The following RAB8B variants were observed in gnomAD, a reference collection of about 807,000 sequenced individuals.
RAB8B encodes ras-related protein Rab-8B.
RAB8B carries 11 observed loss-of-function variants against 32.0 expected under a neutral mutation model. That is an observed-to-expected ratio of 0.34 (90% CI 0.22 to 0.57). The LOEUF (loss-of-function observed/expected upper bound fraction) is 0.57. RAB8B is among the 20% of genes least tolerant of loss of function. The pLI, the probability that RAB8B is intolerant of heterozygous loss-of-function variation, is 0.86. For synonymous variants in RAB8B, 103 were observed against 89.6 expected, an observed-to-expected ratio of 1.15 and a Z score of -0.85; for missense variants, 190 against 258.5, an observed-to-expected ratio of 0.73 and a Z score of 1.82.
chr15:63,233,994 C>T (rs1295201485), intron 1 of RAB8B, among the ~76,000 whole-genome samples: 2 of 152,126 alleles, frequency 1.3e-5, no homozygotes, highest in African/African-American at 2.4e-5. Flanking sequence ...TCAAGGTTCT[C>T]ATGACTGCAG....
intron 1 of RAB8B, among the ~76,000 whole-genome samples, chr15:63,211,893 G>A (rs569740681): frequency 1.7e-4 from 26 of 151,984 alleles, no homozygotes; most frequent in African/African-American, 5.1e-4. Flanking sequence ...GTGCAGTGGC[G>A]CAATCATGGC....
chr15:63,254,708 C>G (rs927922911), intron 3 of RAB8B, among the ~76,000 whole-genome samples: 5 of 152,004 alleles, frequency 3.3e-5, no homozygotes, highest in Non-Finnish European at 7.4e-5. Flanking sequence ...GTCAGGAGAT[C>G]GAAACCATCC....
chr15:63,222,787 C>T (rs1040555653), intron 1 of RAB8B, among the ~76,000 whole-genome samples: 7 of 152,082 alleles, frequency 4.6e-5, no homozygotes, highest in East Asian at 1.9e-4. Context: ...GTGATCCTCC[C>T]GCTTTGGCCT....
rs1174037949 is a variant in RAB8B, at chr15:63,263,889, G to T, written c.*270G>T. Reference sequence around the variant, plus strand: ...TTGTTTTATTACCTGTTGCAGAAGCGGTTATCTTTCTTTTTTACTTTGCAC... The same window carrying T: ...TTGTTTTATTACCTGTTGCAGAAGCTGTTATCTTTCTTTTTTACTTTGCAC... On this transcript the variant is annotated 3_prime_UTR_variant, in exon 8 of 8. Coordinates refer to ENST00000321437, the MANE Select transcript of RAB8B (RefSeq NM_016530.3). The T allele has an allele frequency of 6.0e-6, 2 of 335,708 alleles. No homozygotes were observed. The highest frequency in any genetic ancestry group is 1.1e-5 in the Non-Finnish European group (2 of 182,808). The allele number at this position is 335,708 out of a possible 1,614,324, so 20.8% of individuals were successfully genotyped here.
intron 7 of RAB8B, among the ~76,000 whole-genome samples, chr15:63,263,105 A>C (rs926801441): frequency 2.6e-5 from 4 of 152,230 alleles, no homozygotes; most frequent in African/African-American, 9.6e-5. Context: ...ATTTGAAATC[A>C]TTAAGACAAC....
intron 4 of RAB8B, 31 bp from the exon 5 acceptor site, chr15:63,256,474 G>T: frequency 1.3e-6 from 2 of 1,529,150 alleles, no homozygotes; most frequent in East Asian, 2.4e-5. Context: ...TTCTCAGGCT[G>T]TTTTTATAGC....
At chr15:63,221,504 A>C (rs1387779704) in intron 1 of RAB8B, among the ~76,000 whole-genome samples, 1 of 152,180 alleles carries the variant, frequency 6.6e-6, no homozygotes, top group Non-Finnish European at 1.5e-5. Flanking sequence ...TCGCTGACTC[A>C]GTGACAAACT....
chr15:63,202,559 G>A (rs16946654), intron 1 of RAB8B, among the ~76,000 whole-genome samples: 3,057 of 152,242 alleles, frequency 0.02, 118 homozygotes, highest in East Asian at 0.18. Flanking sequence ...TTCGTGAAAA[G>A]GAAACTAATT....
intron 1 of RAB8B, among the ~76,000 whole-genome samples, chr15:63,197,819 G>C (rs1167057079): frequency 6.6e-6 from 1 of 152,126 alleles, no homozygotes; most frequent in Admixed American, 6.5e-5. Context: ...TCCTGTCTGA[G>C]CTCAGCAAGG....
At chr15:63,191,371 G>A (rs2037554854) in intron 1 of RAB8B, among the ~76,000 whole-genome samples, 1 of 152,100 alleles carries the variant, frequency 6.6e-6, no homozygotes, top group African/African-American at 2.4e-5. Context: ...GCTCATTCTG[G>A]ATTCTTTCAT....
At chr15:63,251,450 G>T (rs2038116050) in intron 3 of RAB8B, 1 of 379,606 alleles carries the variant, frequency 2.6e-6, no homozygotes. Context: ...TTTCACTGGA[G>T]GGTGGGCAGT....
Position 63,194,404 on chromosome 15 carries a change from G to A in RAB8B, c.124+4656G>A, listed in dbSNP as rs964667375. Among the ~76,000 whole-genome samples the A allele has an allele frequency of 5.9e-5, 9 of 152,272 alleles. No homozygotes were observed. In the East Asian group the frequency reaches 1.7e-3, roughly 29 times the overall value. ...AGTTTGCACATACGCCTTTATGTGA[G>A]GAAAGTTAAGACATTTCTGTTTTGA... On this transcript the variant is annotated intron_variant, in intron 1 of 7. Transcript: ENST00000321437.
rs1442921548 is a variant in RAB8B at position 63,266,856 on chromosome 15, G to A, written c.*3237G>A. On this transcript the variant is annotated 3_prime_UTR_variant, in exon 8 of 8. Transcript: ENST00000321437. ...GCTTATAAAGTTTTTCCTGTGATCA[G>A]TAAGTGACACATTTAAGCAGACATT... is the stretch of plus-strand genomic sequence containing the variant. The A allele has an allele frequency of 6.6e-6, 1 of 152,574 alleles. No homozygotes were observed. The highest frequency in any genetic ancestry group is 2.4e-5 in the African/African-American group (1 of 41,432). The allele number at this position is 152,574 out of a possible 1,614,324, so 9.5% of individuals were successfully genotyped here.
rs142173101 is a variant in RAB8B at position 63,208,423 on chromosome 15, A to G, written c.124+18675A>G. 3.1e-3 allele frequency among the ~76,000 whole-genome samples: 472 copies of G among 152,276 alleles called. 1 individual carries two copies. Among genetic ancestry groups the G allele is most frequent in the South Asian group, 0.011 (53 of 4,826 alleles). ...AATAGATGGTCATTATCTCACTGTC[A>G]TTTGTGAAAGAAAAAACGATTGTAA... On this transcript the variant is annotated intron_variant, in intron 1 of 7. Coordinates refer to ENST00000321437, the MANE Select transcript of RAB8B (RefSeq NM_016530.3).
intron 1 of RAB8B, among the ~76,000 whole-genome samples, chr15:63,229,195 G>A (rs1212526880): frequency 6.6e-6 from 1 of 152,212 alleles, no homozygotes; most frequent in Non-Finnish European, 1.5e-5. Context: ...GAAATAAGGG[G>A]TGGGGGAGAG....
intron 1 of RAB8B, among the ~76,000 whole-genome samples, chr15:63,240,044 G>A (rs2141133451): frequency 6.6e-6 from 1 of 152,190 alleles, no homozygotes. Flanking sequence ...AGGAGGTATG[G>A]GGCCCACTGA....
intron 1 of RAB8B, among the ~76,000 whole-genome samples, chr15:63,243,447 G>T (rs1405897697): frequency 3.3e-5 from 5 of 152,214 alleles, no homozygotes; most frequent in African/African-American, 9.6e-5. Context: ...GATAGAGCTT[G>T]CTGATATTTG....
At chr15:63,206,897 A>G (rs1017855010) in intron 1 of RAB8B, among the ~76,000 whole-genome samples, 3 of 152,058 alleles carry the variant, frequency 2.0e-5, no homozygotes, top group Non-Finnish European at 2.9e-5. Flanking sequence ...CTCCTTGTTA[A>G]CAACTGTCCA....
chr15:63,219,317 A>G (rs1479629720), intron 1 of RAB8B, among the ~76,000 whole-genome samples: 1 of 151,840 alleles, frequency 6.6e-6, no homozygotes, highest in Non-Finnish European at 1.5e-5. Context: ...AAAAGAAAGA[A>G]AGAGAGAAAG....
Sources: allele counts gnomAD v4.1 joint callset (sites outside exome capture counted in the v4.1 genomes callset), GRCh38; gene constraint gnomAD v4.1.1; transcripts MANE v1.5; gene names NCBI Gene and HGNC (gene_info 2026-07-23, HGNC 2026-07-21).